Variants in SGF29 observed in about 807,000 individuals in gnomAD.
The protein encoded by SGF29 is SAGA complex associated factor 29, also known as SAGA-associated factor 29.
SGF29 carries 15 observed loss-of-function variants against 38.1 expected under a neutral mutation model. That is an observed-to-expected ratio of 0.39 (90% CI 0.26 to 0.61). SGF29 has a LOEUF of 0.61. Among genes scored for constraint, SGF29 ranks in the 20% least tolerant of loss-of-function variants. The pLI is 0.49. For missense variants in SGF29, 184 were observed against 394.6 expected, an observed-to-expected ratio of 0.47 and a Z score of 4.52; for synonymous variants, 151 against 160.8, an observed-to-expected ratio of 0.94 and a Z score of 0.46.
chr16:28,573,616 G>A (rs151229), intron 1 of SGF29, among the ~76,000 whole-genome samples: 16,396 of 152,212 alleles, frequency 0.11, 973 homozygotes, highest in Middle Eastern at 0.18. Context: ...ACTGGTAGAG[G>A]AGAAAGGATT....
intron 1 of SGF29, among the ~76,000 whole-genome samples, chr16:28,561,709 A>T (rs1451068474): frequency 6.6e-6 from 1 of 152,142 alleles, no homozygotes; most frequent in African/African-American, 2.4e-5. Context: ...TGAGCCTCTC[A>T]GGGTTTGGGA....
Position 28,581,222 on chromosome 16 carries a change from T to C in SGF29, c.75+78T>C, listed in dbSNP as rs536289742. ...AGCCGTGAAGTGGGGGTGGCATTTG[T>C]GTTCAGAGAGATTGGACTCGCAGGA... is the stretch of plus-strand genomic sequence containing the variant. On this transcript the variant is annotated intron_variant, in intron 2 of 9. Transcript: ENST00000317058. 1.8e-5 allele frequency: 25 copies of C among 1,373,510 alleles called. 1 individual carries two copies. The South Asian group carries it at 3.0e-4, about 16-fold the overall frequency. The allele number at this position is 1,373,510 out of a possible 1,614,324, so 85.1% of individuals were successfully genotyped here. A position where few individuals can be genotyped will look rare whatever the true frequency, so the allele number is the denominator to read the frequency against.
intron 1 of SGF29, among the ~76,000 whole-genome samples, chr16:28,564,701 A>G (rs1421828837): frequency 1.2e-5 from 1 of 80,448 alleles, no homozygotes; most frequent in African/African-American, 5.1e-5. Flanking sequence ...ATATATGTAT[A>G]TATATACATA....
intron 1 of SGF29, among the ~76,000 whole-genome samples, chr16:28,573,078 G>A (rs1410074000): frequency 6.6e-6 from 1 of 152,176 alleles, no homozygotes; most frequent in Non-Finnish European, 1.5e-5. Flanking sequence ...AAGGTCCTCA[G>A]TGACTTCCTC....
intron 1 of SGF29, among the ~76,000 whole-genome samples, chr16:28,580,255 C>T (rs928659455): frequency 6.6e-6 from 1 of 152,050 alleles, no homozygotes; most frequent in African/African-American, 2.4e-5. Context: ...GAGGAGAATC[C>T]AAGGATAGCT....
chr16:28,554,498 T>TA (rs2151639135), intron 1 of SGF29, among the ~76,000 whole-genome samples: 1 of 152,270 alleles, frequency 6.6e-6, no homozygotes, highest in South Asian at 2.1e-4. Flanking sequence ...TGTATATATA[T>TA]ATAGTTCTTA....
rs1350587515 is a variant in SGF29, at chr16:28,585,182, C to T, written c.151+194C>T. 1.4e-5 allele frequency: 8 copies of T among 558,870 alleles called. No homozygotes were observed. The East Asian group carries it at 1.5e-4, about 10-fold the overall frequency. 34.6% of individuals were successfully genotyped at this position (558,870 alleles called of 1,614,324 possible). A position where few individuals can be genotyped will look rare whatever the true frequency, so the allele number is the denominator to read the frequency against. On this transcript the variant is annotated intron_variant, in intron 3 of 9. Transcript: ENST00000317058. ...CTAAAATCCCTCTACTCTGAGGATT[C>T]GAAAGGCAGTGAAATGAGGCTGTAT...
chr16:28,558,779 A>G (rs937533529), intron 1 of SGF29, among the ~76,000 whole-genome samples: 2 of 152,190 alleles, frequency 1.3e-5, no homozygotes, highest in Admixed American at 6.5e-5. Flanking sequence ...GAAACATGCT[A>G]AGTGAAAGAA....
intron 1 of SGF29, among the ~76,000 whole-genome samples, chr16:28,573,173 A>G (rs567599159): frequency 6.6e-6 from 1 of 152,088 alleles, no homozygotes; most frequent in Non-Finnish European, 1.5e-5. Context: ...TGACGGATGT[A>G]CAGATTGGGA....
In SGF29 at chr16:28,587,507, C is replaced by T. The variant is rs1209742733; in HGVS notation, c.225-1593C>T. Among the ~76,000 whole-genome samples the T allele has an allele frequency of 2.6e-5, 4 of 152,332 alleles. No individual in the cohort carries two copies. In the East Asian group the frequency reaches 5.8e-4, roughly 22 times the overall value. On this transcript the variant is annotated intron_variant, in intron 4 of 9. Coordinates refer to ENST00000317058, the MANE Select transcript of SGF29 (RefSeq NM_138414.3). The stretch of plus-strand genomic sequence containing the variant: ...GGCTGGGCCATCCCTGCATTGTACG[C>T]AGCAGGCAAGCTGTTCCTTGTCCCT...
intron 1 of SGF29, among the ~76,000 whole-genome samples, chr16:28,560,505 CT>C (rs1468686447): frequency 6.7e-6 from 1 of 149,386 alleles, no homozygotes; most frequent in African/African-American, 2.5e-5. Flanking sequence ...AGGAGAATTG[CT>C]TCAACCTGGG....
chr16:28,589,333 C>A (rs538819632), intron 5 of SGF29, 169 bp downstream of exon 5: 55 of 639,758 alleles, frequency 8.6e-5, no homozygotes, highest in Admixed American at 7.5e-4. Context: ...AGGTCATTCC[C>A]AGTGCCCAGA....
chr16:28,576,712 CAAAG>C (rs1374536723), intron 1 of SGF29, among the ~76,000 whole-genome samples: 1 of 152,012 alleles, frequency 6.6e-6, no homozygotes, highest in Non-Finnish European at 1.5e-5. Context: ...AAAAGAAAAA[CAAAG>C]AAAACGTGCC....
At chr16:28,589,556 G>A (rs2046975191) in intron 5 of SGF29, 1 of 221,018 alleles carries the variant, frequency 4.5e-6, no homozygotes, top group Non-Finnish European at 9.1e-6. Context: ...TCTCCTACCT[G>A]TCTGCCCTCC....
intron 1 of SGF29, among the ~76,000 whole-genome samples, chr16:28,577,177 G>GA (rs958079383): frequency 1.6e-4 from 23 of 145,094 alleles, no homozygotes; most frequent in Non-Finnish European, 2.6e-4. Flanking sequence ...CATTAAAAAA[G>GA]AAAAAAAAAA....
intron 1 of SGF29, among the ~76,000 whole-genome samples, chr16:28,561,408 C>T (rs2046789182): frequency 6.6e-6 from 1 of 152,120 alleles, no homozygotes. Flanking sequence ...TAGCTGGCAC[C>T]TGCAATCCCA....
At chr16:28,560,512 C>T (rs949550915) in intron 1 of SGF29, among the ~76,000 whole-genome samples, 1 of 149,450 alleles carries the variant, frequency 6.7e-6, no homozygotes, top group African/African-American at 2.5e-5. Context: ...TTGCTTCAAC[C>T]TGGGAGGAAG....
In SGF29 at chr16:28,590,011, C is replaced by A. The variant is rs1016462280; in HGVS notation, c.290-85C>A. The A allele has an allele frequency of 4.7e-6, 7 of 1,494,360 alleles. No homozygotes were observed. Among genetic ancestry groups the A allele is most frequent in the Non-Finnish European group, 6.2e-6 (7 of 1,121,876 alleles). The allele number at this position is 1,494,360 out of a possible 1,614,324, so 92.6% of individuals were successfully genotyped here. A position where few individuals can be genotyped will look rare whatever the true frequency, so the allele number is the denominator to read the frequency against. On this transcript the variant is annotated intron_variant, in intron 5 of 9. Transcript: ENST00000317058. The surrounding 1 kb of genome is among the most constrained non-coding windows in gnomAD (Gnocchi z 8.2). Reference sequence around the variant, plus strand: ...CTCGGGAACTGGGGGCTCCCAGGTGCTCCTTCAACAGCTCAGTGCAGCATG... The same window carrying A: ...CTCGGGAACTGGGGGCTCCCAGGTGATCCTTCAACAGCTCAGTGCAGCATG...
intron 1 of SGF29, among the ~76,000 whole-genome samples, chr16:28,569,657 GA>G (rs923178303): frequency 1.8e-4 from 27 of 150,584 alleles, no homozygotes; most frequent in African/African-American, 6.6e-4. Flanking sequence ...GTCTCAAAAA[GA>G]AAAAAAAAGA....
Sources: allele counts gnomAD v4.1 joint callset (sites outside exome capture counted in the v4.1 genomes callset), GRCh38; gene constraint gnomAD v4.1.1; non-coding constraint Gnocchi (gnomAD v3.1); transcripts MANE v1.5; gene names NCBI Gene and HGNC (gene_info 2026-07-23, HGNC 2026-07-21).